The following USP47 variants were observed in gnomAD, a reference collection of about 807,000 sequenced individuals.
USP47 encodes ubiquitin carboxyl-terminal hydrolase 47.
In USP47, 35 loss-of-function variants were observed where a neutral mutation model predicts 165.1. The ratio of observed to expected loss-of-function variants is 0.21; its 90% CI spans 0.16 to 0.28. The LOEUF (loss-of-function observed/expected upper bound fraction) is 0.28, where lower values mean the gene tolerates loss of function less well. Ranked by LOEUF, USP47 falls within the 10% of genes least tolerant of loss-of-function variation. The probability of loss-of-function intolerance (pLI) is 1.00; values close to 1 mark genes in which losing one functional copy is unlikely to be tolerated. For synonymous variants in USP47, 531 were observed against 544.5 expected (o/e 0.98, Z 0.35); for missense variants, 1,277 against 1,607.4 (o/e 0.79, Z 3.52).
At chr11:11,949,839 T>C in intron 22 of USP47, 50 bp from the exon 23 acceptor site, 1 of 1,230,716 alleles carries the variant, frequency 8.1e-7, no homozygotes, top group South Asian at 1.3e-5. Context: ...TTAATATTAA[T>C]GTACTTAAGG....
chr11:11,877,856 TGTGCGC>T (rs1454217112), intron 1 of USP47, among the ~76,000 whole-genome samples: 3 of 74,364 alleles, frequency 4.0e-5, no homozygotes, highest in East Asian at 1.1e-3. Context: ...TGTGTGTGTG[TGTGCGC>T]GCGCGCAGAT....
intron 1 of USP47, among the ~76,000 whole-genome samples, chr11:11,850,896 ATGG>A (rs945685695): frequency 2.6e-5 from 4 of 152,198 alleles, no homozygotes; most frequent in African/African-American, 9.7e-5. Flanking sequence ...GTGTCCTCAC[ATGG>A]TGGAAGGAGA....
intron 1 of USP47, among the ~76,000 whole-genome samples, chr11:11,845,983 T>C (rs1224743481): frequency 6.6e-6 from 1 of 152,202 alleles, no homozygotes; most frequent in Non-Finnish European, 1.5e-5. Flanking sequence ...CCTTTTCTGT[T>C]CTGAGTCTGA....
At chr11:11,902,207 G>C (rs1404645571) in intron 5 of USP47, among the ~76,000 whole-genome samples, 2 of 152,088 alleles carry the variant, frequency 1.3e-5, no homozygotes, top group Non-Finnish European at 2.9e-5. Flanking sequence ...TATTGCAGTT[G>C]ATTAATAAAA....
chr11:11,882,006 A>AG (rs1850863905), intron 2 of USP47, among the ~76,000 whole-genome samples: 1 of 152,152 alleles, frequency 6.6e-6, no homozygotes, highest in Non-Finnish European at 1.5e-5. Flanking sequence ...CATCTGCGTT[A>AG]TTAGAACAGT....
At chr11:11,897,830 G>A (rs904190748) in intron 5 of USP47, 137 bp downstream of exon 5, 7 of 581,356 alleles carry the variant, frequency 1.2e-5, no homozygotes, top group East Asian at 5.8e-5. Context: ...CTTTCCTTAC[G>A]TAATAACAAA....
chr11:11,846,616 A>C (rs1848441530), intron 1 of USP47, among the ~76,000 whole-genome samples: 1 of 152,086 alleles, frequency 6.6e-6, no homozygotes, highest in Non-Finnish European at 1.5e-5. Context: ...GTATTTATTG[A>C]GCATTTATTT....
chr11:11,905,512 C>A lies in USP47; in HGVS notation c.933C>A (p.Ile311=). The A allele has an allele frequency of 6.2e-7, 1 of 1,608,726 alleles. No individual in the cohort carries two copies. Among genetic ancestry groups the A allele is most frequent in the Non-Finnish European group, 8.5e-7 (1 of 1,176,324 alleles). The part of the protein sequence containing the change: ...IDTYLDIPLV[I]RPYGSSQAFA... ...CATATCTTGATATTCCATTGGTCAT[C>A]CGACCTTATGGGTCCAGCCAAGCAT... The change falls in exon 8 of 28, where the codon ATC becomes ATA. Residue 311 remains isoleucine, a synonymous_variant. Coordinates refer to ENST00000527733, the MANE Select transcript of USP47 (RefSeq NM_001282659.2).
At position 11,901,009 on chromosome 11, in the gene USP47, G is replaced by A. The variant is rs189026059; in HGVS notation, c.594-1706G>A. Among the ~76,000 whole-genome samples the A allele has an allele frequency of 6.6e-3, 998 of 152,298 alleles. 9 individuals are homozygous for A. Among genetic ancestry groups the A allele is most frequent in the African/African-American group, 0.023 (955 of 41,566 alleles). ...CTATTGAAGATAACCAGAAAAAAGG[G>A]AGCTGGGGATTGAGAATAGAAGAGG... On this transcript the variant is annotated intron_variant, in intron 5 of 27. Transcript: ENST00000527733.
At chr11:11,852,542 C>T (rs1327438043) in intron 1 of USP47, among the ~76,000 whole-genome samples, 2 of 152,146 alleles carry the variant, frequency 1.3e-5, no homozygotes, top group African/African-American at 2.4e-5. Flanking sequence ...CTGGAATCAA[C>T]CAGTTCTCCA....
chr11:11,948,123 T>G lies in USP47; in HGVS notation c.3267+3T>G, dbSNP rs770943393. The G allele has an allele frequency of 1.9e-6, 3 of 1,598,280 alleles. No homozygotes were observed. Among genetic ancestry groups the G allele is most frequent in the Non-Finnish European group, 1.7e-6 (2 of 1,174,670 alleles). ...CATCATTTTCTGATGACAATAAGGTTGATTAAAATAATCTTCGAGTAGTTA... is the reference window on the plus strand; with the variant it reads ...CATCATTTTCTGATGACAATAAGGTGGATTAAAATAATCTTCGAGTAGTTA... On this transcript the variant is annotated splice_donor_region_variant and intron_variant, in intron 21 of 27. Transcript: ENST00000527733.
intron 8 of USP47, among the ~76,000 whole-genome samples, chr11:11,919,944 C>A (rs1458798350): frequency 6.6e-6 from 1 of 151,648 alleles, no homozygotes; most frequent in Non-Finnish European, 1.5e-5. Context: ...CTAAGAAAGG[C>A]AAATCTTGTG....
intron 3 of USP47, among the ~76,000 whole-genome samples, chr11:11,887,362 C>T (rs1851228277): frequency 6.6e-6 from 1 of 151,616 alleles, no homozygotes; most frequent in African/African-American, 2.4e-5. Context: ...CACATAGGCT[C>T]AAAATAAAGG....
At chr11:11,844,634 ACTCT>A (rs1431446824) in intron 1 of USP47, among the ~76,000 whole-genome samples, 2 of 152,072 alleles carry the variant, frequency 1.3e-5, no homozygotes, top group African/African-American at 2.4e-5. Flanking sequence ...ATAGTTTGTA[ACTCT>A]CTAAGTACAT....
chr11:11,852,513 T>G (rs780948083), intron 1 of USP47, among the ~76,000 whole-genome samples: 1 of 152,214 alleles, frequency 6.6e-6, no homozygotes, highest in Non-Finnish European at 1.5e-5. Flanking sequence ...GCCCATCTTA[T>G]GTTTTCCTTG....
In USP47 at chr11:11,875,541, G is replaced by A. The variant is rs1211952393; in HGVS notation, c.40-4636G>A. Among the ~76,000 whole-genome samples the A allele has an allele frequency of 2.0e-5, 3 of 152,104 alleles. No individual in the cohort carries two copies. In the South Asian group the frequency reaches 6.2e-4, roughly 31 times the overall value. ...TTAAGTGTATCTTTGGAAGAAAACT[G>A]TTTTCAGTGCTTTTTATCCCAATAT... On this transcript the variant is annotated intron_variant, in intron 1 of 27. Transcript: ENST00000527733.
rs1851920198 is a variant in USP47 at position 11,897,448 on chromosome 11, T to C, written c.497-149T>C. On this transcript the variant is annotated intron_variant, in intron 4 of 27. Coordinates refer to ENST00000527733, the MANE Select transcript of USP47 (RefSeq NM_001282659.2). ...AGCACATATTAGAAAAGGGATCTTT[T>C]CTTAGGTGCTGTTGAACAAGTTGAA... The C allele has an allele frequency of 1.2e-5, 7 of 582,664 alleles. No individual in the cohort carries two copies. The East Asian group carries it at 2.0e-4, about 17-fold the overall frequency. The allele number at this position is 582,664 out of a possible 1,614,324, so 36.1% of individuals were successfully genotyped here.
chr11:11,848,584 TTACTTCCATATTTGAAAC>T (rs1486573363), intron 1 of USP47, among the ~76,000 whole-genome samples: 3 of 151,802 alleles, frequency 2.0e-5, no homozygotes, highest in Non-Finnish European at 4.4e-5. Context: ...CTTTTGATAC[TTACTTCCATATTTGAAAC>T]TGGCATTTTT....
chr11:11,842,992 C>G (rs1848224858), intron 1 of USP47, among the ~76,000 whole-genome samples: 1 of 151,980 alleles, frequency 6.6e-6, no homozygotes, highest in Non-Finnish European at 1.5e-5. Flanking sequence ...CACTGGCCAG[C>G]GAATTTCAAC....
Sources: allele counts gnomAD v4.1 joint callset (sites outside exome capture counted in the v4.1 genomes callset), GRCh38; gene constraint gnomAD v4.1.1; transcripts MANE v1.5; gene names NCBI Gene and HGNC (gene_info 2026-07-23, HGNC 2026-07-21).